The following PLA2G5 variants were observed in gnomAD, a reference collection of about 807,000 sequenced individuals.
PLA2G5 encodes the protein Ca2+-dependent phospholipase A2.
PLA2G5 carries 12 observed loss-of-function variants against 15.9 expected under a neutral mutation model. The ratio of observed to expected loss-of-function variants is 0.76; its 90% confidence interval spans 0.48 to 1.23. The LOEUF (loss-of-function observed/expected upper bound fraction) is 1.23. Ranked by LOEUF, PLA2G5 falls within the 50% of genes most tolerant of loss-of-function variation. The probability of loss-of-function intolerance (pLI) is 0.00; values close to 1 mark genes in which losing one functional copy is unlikely to be tolerated. For synonymous variants in PLA2G5, 71 were observed against 71.4 expected (o/e 0.99, Z 0.03); for missense variants, 169 against 177.1 (o/e 0.95, Z 0.26).
chr1:20,032,399 A>G (rs2013006571), intron 1 of PLA2G5, among the ~76,000 whole-genome samples: 2 of 151,608 alleles, frequency 1.3e-5, no homozygotes, highest in Non-Finnish European at 2.9e-5. Flanking sequence ...GTCCATCCAG[A>G]GAATGTATCT....
intron 3 of PLA2G5, among the ~76,000 whole-genome samples, chr1:20,087,019 G>A (rs868365095): frequency 6.6e-6 from 1 of 152,330 alleles, no homozygotes; most frequent in African/African-American, 2.4e-5. Context: ...AGTGGGATAA[G>A]CCAGGGCAGG....
chr1:20,056,769 G>C (rs2014452374), intron 1 of PLA2G5, among the ~76,000 whole-genome samples: 1 of 152,114 alleles, frequency 6.6e-6, no homozygotes, highest in Non-Finnish European at 1.5e-5. Context: ...TCTACCTTCT[G>C]GAAGAGATTG....
chr1:20,079,639 G>A (rs562800393), intron 1 of PLA2G5, among the ~76,000 whole-genome samples: 1 of 152,152 alleles, frequency 6.6e-6, no homozygotes, highest in Admixed American at 6.5e-5. Context: ...GCCTCCCAGG[G>A]TGAGCCATTG....
At chr1:20,066,797 A>G (rs1439581574), upstream of PLA2G5, among the ~76,000 whole-genome samples, 1 of 152,176 alleles carries the variant, frequency 6.6e-6, no homozygotes, top group Non-Finnish European at 1.5e-5. Context: ...GCTTGAGGCC[A>G]GGAGTTCCAA....
intron 1 of PLA2G5, among the ~76,000 whole-genome samples, chr1:20,076,430 A>C (rs1046311506): frequency 5.3e-5 from 8 of 152,176 alleles, no homozygotes; most frequent in African/African-American, 1.9e-4. Flanking sequence ...CTCTGGTTAG[A>C]TGTCTTGTGA....
At chr1:20,080,626 A>G (rs1052716253) in intron 1 of PLA2G5, among the ~76,000 whole-genome samples, 5 of 152,078 alleles carry the variant, frequency 3.3e-5, no homozygotes, top group Non-Finnish European at 4.4e-5. Context: ...CACAATGGAA[A>G]AAAATCCCCA....
chr1:20,087,349 T>C (rs1192444004), intron 3 of PLA2G5, among the ~76,000 whole-genome samples: 1 of 152,130 alleles, frequency 6.6e-6, no homozygotes, highest in Non-Finnish European at 1.5e-5. Flanking sequence ...GATGCTCTAG[T>C]CCCTGATATA....
chr1:20,079,052 T>C (rs2015857764), intron 1 of PLA2G5, among the ~76,000 whole-genome samples: 3 of 145,468 alleles, frequency 2.1e-5, no homozygotes, highest in African/African-American at 7.7e-5. Context: ...AGGTGGAGGC[T>C]GCAGTGAGAT....
At chr1:20,038,614 C>G (rs2013411127) in intron 1 of PLA2G5, among the ~76,000 whole-genome samples, 1 of 152,108 alleles carries the variant, frequency 6.6e-6, no homozygotes, top group African/African-American at 2.4e-5. Context: ...AAGACCCCAT[C>G]TCTACAAGAA....
intron 1 of PLA2G5, among the ~76,000 whole-genome samples, chr1:20,053,645 A>G (rs1444856510): frequency 6.6e-6 from 1 of 151,640 alleles, no homozygotes; most frequent in Admixed American, 6.6e-5. Context: ...TACTCAGAAG[A>G]GTGTTGTTTC....
At chr1:20,048,976 T>C (rs192062962) in intron 1 of PLA2G5, among the ~76,000 whole-genome samples, 125 of 152,332 alleles carry the variant, frequency 8.2e-4, no homozygotes, top group African/African-American at 3.0e-3. Context: ...TTGTGTTCTT[T>C]TTAAAAATGT....
intron 1 of PLA2G5, among the ~76,000 whole-genome samples, chr1:20,054,116 G>A (rs1365143392): frequency 6.6e-6 from 1 of 152,138 alleles, no homozygotes; most frequent in Admixed American, 6.6e-5. Context: ...AACTCCTAGA[G>A]GTCCTCTCCA....
At chr1:20,039,670 G>GGA (rs142706440) in intron 1 of PLA2G5, among the ~76,000 whole-genome samples, 100 of 149,712 alleles carry the variant, frequency 6.7e-4, no homozygotes, top group Admixed American at 2.6e-3. Context: ...GAGGGGAAGT[G>GGA]GAGAGAGAGA....
intron 4 of PLA2G5, 124 bp downstream of exon 4, chr1:20,090,019 G>C (rs2016491460): frequency 1.5e-6 from 1 of 673,382 alleles, no homozygotes; most frequent in African/African-American, 1.8e-5. Flanking sequence ...ACTGGGACGA[G>C]AGGAGCAGGA....
In PLA2G5 at chr1:20,089,914, G is replaced by A. The variant is rs2020889; in HGVS notation, c.292+19G>A. ...ACCTGCGGTAAGGCTGGGGCTTCCCGTTCGGGCCATTGGAAGAGCACCTGA... is the reference window on the plus strand; with the variant it reads ...ACCTGCGGTAAGGCTGGGGCTTCCCATTCGGGCCATTGGAAGAGCACCTGA... On this transcript the variant is annotated intron_variant, in intron 4 of 4. Coordinates refer to ENST00000375108, the MANE Select transcript of PLA2G5 (RefSeq NM_000929.3). The A allele has an allele frequency of 4.4e-3, 6,890 of 1,575,832 alleles. 291 individuals are homozygous for A. The African/African-American group carries it at 0.079, about 18-fold the overall frequency.
intron 1 of PLA2G5, among the ~76,000 whole-genome samples, chr1:20,042,937 G>A (rs2013691854): frequency 6.6e-6 from 1 of 152,112 alleles, no homozygotes; most frequent in South Asian, 2.1e-4. Flanking sequence ...TGTAGGAGGG[G>A]CTATAAAGTA....
At chr1:20,077,940 A>G (rs1160342613) in intron 1 of PLA2G5, among the ~76,000 whole-genome samples, 1 of 152,222 alleles carries the variant, frequency 6.6e-6, no homozygotes, top group East Asian at 1.9e-4. Flanking sequence ...CTGCATAGAA[A>G]TAAGAGCTAA....
chr1:20,060,247 CTTTTTTTTTTTT>C (rs71585739), intron 2 of PLA2G5, among the ~76,000 whole-genome samples: 2 of 83,704 alleles, frequency 2.4e-5, no homozygotes, highest in South Asian at 5.4e-4. Context: ...CTTTTTTCTT[CTTTTTTTTTTTT>C]TTTTTTTTTT....
intron 3 of PLA2G5, among the ~76,000 whole-genome samples, chr1:20,088,576 TATAAG>T (rs900203043): frequency 2.0e-5 from 3 of 152,038 alleles, no homozygotes; most frequent in African/African-American, 4.8e-5. Context: ...CTCATACTAA[TATAAG>T]ATATTAGTAA....
Sources: allele counts gnomAD v4.1 joint callset (sites outside exome capture counted in the v4.1 genomes callset), GRCh38; gene constraint gnomAD v4.1.1; transcripts MANE v1.5; gene names NCBI Gene and HGNC (gene_info 2026-07-23, HGNC 2026-07-21).